Variants in SYCP2L observed in about 807,000 individuals in gnomAD.
The protein encoded by SYCP2L is synaptonemal complex protein 2-like.
Under a neutral mutation model 125.8 loss-of-function variants are expected in SYCP2L, and 98 were observed. That is an observed-to-expected ratio of 0.78 (90% CI 0.66 to 0.92). The LOEUF is 0.92. Among genes scored for constraint, SYCP2L ranks in the 40% least tolerant of loss-of-function variants. The pLI is 0.00. For synonymous variants in SYCP2L, 317 were observed against 325.4 expected, an observed-to-expected ratio of 0.97 and a Z score of 0.28; for missense variants, 842 against 936.4, an observed-to-expected ratio of 0.90 and a Z score of 1.32.
chr6:10,964,591 T>A (rs573270770), intron 29 of SYCP2L, among the ~76,000 whole-genome samples: 244 of 152,264 alleles, frequency 1.6e-3, no homozygotes, highest in African/African-American at 5.5e-3. Flanking sequence ...ATTTAAATTT[T>A]AAAAATTTAA....
chr6:10,966,857 T>A (rs964702263), intron 29 of SYCP2L, among the ~76,000 whole-genome samples: 13 of 152,184 alleles, frequency 8.5e-5, no homozygotes, highest in African/African-American at 2.7e-4. Context: ...AATGAAATTT[T>A]GAATGAAATG....
chr6:10,905,156 AAAAAAAAAAAG>A (rs1780463486), intron 8 of SYCP2L, among the ~76,000 whole-genome samples: 1 of 149,626 alleles, frequency 6.7e-6, no homozygotes, highest in African/African-American at 2.5e-5. Flanking sequence ...AAAAAAAAAA[AAAAAAAAAAAG>A]AAGAAGATCG....
rs979669298 is a variant in SYCP2L, at chr6:10,895,121, G to A, written c.336+917G>A. On this transcript the variant is annotated intron_variant, in intron 4 of 29. Coordinates refer to ENST00000283141, the MANE Select transcript of SYCP2L (RefSeq NM_001040274.3). ...TGTTTATGCAAACCGTATATATTTC[G>A]TTCTGCATATAACCCCACTTGACCT... Among the ~76,000 whole-genome samples the A allele has an allele frequency of 2.6e-5, 4 of 152,130 alleles. 1 individual carries two copies. The highest frequency in any genetic ancestry group is 6.5e-5 in the Admixed American group (1 of 15,282).
intron 4 of SYCP2L, among the ~76,000 whole-genome samples, chr6:10,895,839 C>T (rs1780249581): frequency 6.6e-6 from 1 of 151,580 alleles, no homozygotes; most frequent in South Asian, 2.1e-4. Flanking sequence ...ACAAAGTGTG[C>T]TCGGAAGTTC....
chr6:10,894,259 G>A (rs1188427957), intron 4 of SYCP2L, 55 bp downstream of exon 4: 9 of 1,571,170 alleles, frequency 5.7e-6, no homozygotes, highest in Non-Finnish European at 7.8e-6. Flanking sequence ...GAACTTAGGT[G>A]GATTTAGTTG....
chr6:10,940,354 C>T (rs568984093), intron 21 of SYCP2L, among the ~76,000 whole-genome samples: 96 of 152,286 alleles, frequency 6.3e-4, no homozygotes, highest in African/African-American at 2.1e-3. Context: ...ATAAAATCAG[C>T]ATCTTGAAGA....
chr6:10,940,822 A>G (rs2113376094), intron 21 of SYCP2L, among the ~76,000 whole-genome samples: 1 of 152,278 alleles, frequency 6.6e-6, no homozygotes, highest in Admixed American at 6.5e-5. Flanking sequence ...GTATATATGT[A>G]TATCAAATCA....
chr6:10,919,071 A>G (rs1255702172), intron 14 of SYCP2L, among the ~76,000 whole-genome samples: 1 of 152,066 alleles, frequency 6.6e-6, no homozygotes, highest in East Asian at 1.9e-4. Flanking sequence ...ATTCTTTTTC[A>G]GGTACATCAG....
At chr6:10,953,376 T>C (rs1781444948) in intron 23 of SYCP2L, among the ~76,000 whole-genome samples, 1 of 152,226 alleles carries the variant, frequency 6.6e-6, no homozygotes, top group African/African-American at 2.4e-5. Context: ...CCTTACTTCC[T>C]GTTCTGCCCC....
At chr6:10,923,637 G>T (rs1188633235) in intron 14 of SYCP2L, among the ~76,000 whole-genome samples, 2 of 150,726 alleles carry the variant, frequency 1.3e-5, no homozygotes, top group East Asian at 3.9e-4. Flanking sequence ...ACCCGCCTCG[G>T]CCTCCCAAAG....
chr6:10,892,414 C>T (rs906846710), intron 2 of SYCP2L, among the ~76,000 whole-genome samples: 1 of 152,214 alleles, frequency 6.6e-6, no homozygotes, highest in Non-Finnish European at 1.5e-5. Context: ...ATCCTCCTGC[C>T]TCAGCCTTCT....
At chr6:10,910,111 T>C in intron 10 of SYCP2L, 37 bp from the exon 11 acceptor site, 1 of 1,583,104 alleles carries the variant, frequency 6.3e-7, no homozygotes, top group Non-Finnish European at 8.7e-7. Flanking sequence ...ACATCTTGAT[T>C]TTTTTTTAAT....
intron 1 of SYCP2L, among the ~76,000 whole-genome samples, chr6:10,888,021 TGTCA>T (rs1385879557): frequency 1.4e-5 from 2 of 147,052 alleles, no homozygotes; most frequent in African/African-American, 2.5e-5. Context: ...ACAGACATTC[TGTCA>T]GTCAGTCCTC....
At chr6:10,900,962 G>A (rs529591042) in intron 6 of SYCP2L, among the ~76,000 whole-genome samples, 13 of 152,254 alleles carry the variant, frequency 8.5e-5, no homozygotes, top group Admixed American at 1.3e-4. Context: ...CCCTCTCTCC[G>A]AAGTAGAAAG....
chr6:10,941,577 T>C (rs571363882), intron 21 of SYCP2L, among the ~76,000 whole-genome samples: 2,916 of 152,268 alleles, frequency 0.019, 105 homozygotes, highest in African/African-American at 0.067. Flanking sequence ...ATCAGAGAAA[T>C]GCAAATCAAA....
chr6:10,966,985 AAATGTAGAAATAACC>A (rs1781691014), intron 29 of SYCP2L, among the ~76,000 whole-genome samples: 1 of 152,236 alleles, frequency 6.6e-6, no homozygotes, highest in Non-Finnish European at 1.5e-5. Flanking sequence ...AATATGATTG[AAATGTAGAAATAACC>A]AATGTAGAAA....
intron 20 of SYCP2L, 42 bp downstream of exon 20, chr6:10,931,531 A>C (rs954344465): frequency 6.4e-7 from 1 of 1,572,946 alleles, no homozygotes; most frequent in Non-Finnish European, 8.7e-7. Flanking sequence ...CCTGTGAGTT[A>C]AACTGCATTT....
At position 10,956,130 on chromosome 6, in the gene SYCP2L, T is replaced by C. The variant is rs1297995911; in HGVS notation, c.2057-6T>C. The C allele has an allele frequency of 6.2e-7, 1 of 1,610,712 alleles. No individual in the cohort carries two copies. Among genetic ancestry groups the C allele is most frequent in the African/African-American group, 1.3e-5 (1 of 74,874 alleles). ...TTTTATTCCATGTTTTGTTTTTGTT[T>C]TCCAGAAGGAATTTCCACTTCATCC... On this transcript the variant is annotated splice_region_variant and splice_polypyrimidine_tract_variant and intron_variant, in intron 24 of 29. Coordinates refer to ENST00000283141, the MANE Select transcript of SYCP2L (RefSeq NM_001040274.3).
chr6:10,938,237 G>C (rs141526475), intron 21 of SYCP2L, among the ~76,000 whole-genome samples: 6 of 152,136 alleles, frequency 3.9e-5, no homozygotes, highest in African/African-American at 1.4e-4. Context: ...TTATCCCTGA[G>C]ATTCAAGGAA....
Sources: gnomAD v4.1 joint callset for allele counts (sites outside exome capture counted in the v4.1 genomes callset) on GRCh38, gnomAD v4.1.1 for gene constraint, MANE v1.5 for transcripts, NCBI Gene and HGNC (gene_info 2026-07-23, HGNC 2026-07-21) for gene names.